GPC3: variants seen among roughly 807,000 people sequenced by gnomAD.
GPC3 encodes the protein glypican 3.
In GPC3, 3 loss-of-function variants were observed where a neutral mutation model predicts 34.4. That is an observed-to-expected ratio of 0.09 (90% CI 0.04 to 0.23). The LOEUF is 0.23. Ranked by LOEUF, GPC3 falls within the 10% of genes least tolerant of loss-of-function variation. The pLI, the probability that GPC3 is intolerant of heterozygous loss-of-function variation, is 1.00. For synonymous variants in GPC3, 177 were observed against 174.0 expected, an observed-to-expected ratio of 1.02 and a Z score of -0.13; for missense variants, 351 against 445.6, an observed-to-expected ratio of 0.79 and a Z score of 1.91.
At chrX:133,937,484 T>C (rs555814570) in intron 2 of GPC3, among the ~76,000 whole-genome samples, 2 of 110,884 alleles carry the variant, frequency 1.8e-5, no homozygotes, top group South Asian at 7.6e-4. Context: ...TTAAACCACA[T>C]CTGAACATAA....
chrX:133,593,101 G>A (rs969930059), intron 7 of GPC3, among the ~76,000 whole-genome samples: 2 of 110,058 alleles, frequency 1.8e-5, no homozygotes, highest in Non-Finnish European at 3.8e-5. Flanking sequence ...CGAGGCAGGC[G>A]GGGATCACAC....
chrX:133,797,304 T>C (rs2075586770), intron 2 of GPC3, among the ~76,000 whole-genome samples: 1 of 111,378 alleles, frequency 9.0e-6, no homozygotes, highest in Non-Finnish European at 1.9e-5. Context: ...ATCTTTTTTC[T>C]ATAGAACAGA....
rs1035675192 is a variant in GPC3 at position 133,642,281 on chromosome X, T to C, written c.1413+19449A>G. ...TTTAGCACTACCATATATGTGCTAC[T>C]GTACCTTATTCCCAGAATATTTGGG... On this transcript the variant is annotated intron_variant, in intron 6 of 7. Transcript: ENST00000370818. 7.1e-5 allele frequency among the ~76,000 whole-genome samples: 8 copies of C among 111,955 alleles called. No homozygotes were observed. The Admixed American group carries it at 7.6e-4, about 11-fold the overall frequency.
At chrX:133,769,679 G>A (rs926550594) in intron 2 of GPC3, among the ~76,000 whole-genome samples, 10 of 111,583 alleles carry the variant, frequency 9.0e-5, no homozygotes, top group African/African-American at 2.3e-4. Flanking sequence ...TAAATTCTGA[G>A]GCTTAGCTAC....
intron 2 of GPC3, among the ~76,000 whole-genome samples, chrX:133,775,223 C>T (rs768259095): frequency 1.8e-5 from 2 of 109,396 alleles, no homozygotes; most frequent in East Asian, 2.9e-4. Flanking sequence ...TTGCTGCCAG[C>T]GTGTTTTTTT....
At chrX:133,585,262 C>T (rs758977092) in intron 7 of GPC3, among the ~76,000 whole-genome samples, 1 of 111,889 alleles carries the variant, frequency 8.9e-6, no homozygotes, top group East Asian at 2.8e-4. Flanking sequence ...ACAGCACATG[C>T]GTGCACATGT....
intron 6 of GPC3, among the ~76,000 whole-genome samples, chrX:133,656,622 T>C (rs1356212200): frequency 8.9e-6 from 1 of 112,213 alleles, no homozygotes; most frequent in African/African-American, 3.2e-5. Context: ...ATGGTTAACA[T>C]GATTCGAAAA....
chrX:133,956,089 G>T lies in GPC3; in HGVS notation c.176-2878C>A, dbSNP rs1010310605. ...CCACTTCACCCTTCTCAAGGGAGCTGCTGACAAAAGCAGTAAAGGAGAACA... is the reference window on the plus strand; with the variant it reads ...CCACTTCACCCTTCTCAAGGGAGCTTCTGACAAAAGCAGTAAAGGAGAACA... On this transcript the variant is annotated intron_variant, in intron 1 of 7. Transcript: ENST00000370818. Among the ~76,000 whole-genome samples the T allele has an allele frequency of 3.6e-5, 4 of 111,514 alleles. No homozygotes were observed. The East Asian group carries it at 1.1e-3, about 31-fold the overall frequency.
intron 2 of GPC3, among the ~76,000 whole-genome samples, chrX:133,848,110 C>A (rs1004913027): frequency 5.4e-5 from 6 of 111,797 alleles, no homozygotes; most frequent in Non-Finnish European, 9.4e-5. Flanking sequence ...TTAATAAAAA[C>A]TAAGGTGGAA....
intron 2 of GPC3, among the ~76,000 whole-genome samples, chrX:133,884,271 T>C (rs767986402): frequency 8.9e-6 from 1 of 112,056 alleles, no homozygotes; most frequent in African/African-American, 3.2e-5. Flanking sequence ...TTCTCCGTTA[T>C]GATTATCTAT....
intron 2 of GPC3, among the ~76,000 whole-genome samples, chrX:133,937,987 C>T (rs2076330064): frequency 9.0e-6 from 1 of 111,500 alleles, no homozygotes; most frequent in Non-Finnish European, 1.9e-5. Context: ...AACAGGTAGG[C>T]CATTTTATGA....
chrX:133,893,211 C>A (rs771525501), intron 2 of GPC3, among the ~76,000 whole-genome samples: 1 of 111,299 alleles, frequency 9.0e-6, no homozygotes, highest in African/African-American at 3.3e-5. Context: ...GAGCCGAGGT[C>A]GCACCATTGC....
chrX:133,850,704 C>T (rs1217264795), intron 2 of GPC3, among the ~76,000 whole-genome samples: 1 of 111,205 alleles, frequency 9.0e-6, no homozygotes, highest in Non-Finnish European at 1.9e-5. Flanking sequence ...GCTTAGGGTC[C>T]CAAGAATGTA....
At chrX:133,956,035 T>A (rs1242637489) in intron 1 of GPC3, among the ~76,000 whole-genome samples, 1 of 111,657 alleles carries the variant, frequency 9.0e-6, no homozygotes, top group African/African-American at 3.3e-5. Flanking sequence ...ACATCACTGC[T>A]GGGGTCCAGG....
chrX:133,934,692 A>AT (rs1166543990), intron 2 of GPC3, among the ~76,000 whole-genome samples: 110 of 88,791 alleles, frequency 1.2e-3, no homozygotes, highest in East Asian at 9.6e-3. Context: ...TTTTTTTTGT[A>AT]TTTTTTTTTT....
At position 133,661,765 on chromosome X, in the gene GPC3, T is replaced by TGACC; in HGVS notation, c.1374_1377dup (p.Ser460GlyfsTer6). The TGACC allele has an allele frequency of 8.3e-7, 1 of 1,198,738 alleles. No homozygotes were observed. The highest frequency in any genetic ancestry group is 1.1e-6 in the Non-Finnish European group (1 of 885,121). On this transcript the variant is annotated frameshift_variant, in exon 6 of 8. Coordinates refer to ENST00000370818, the MANE Select transcript of GPC3 (RefSeq NM_004484.4). LOFTEE classifies it high-confidence loss of function. ...TGCTTCAGTTTGTCAATAATTTGACTGACCACTGGCTCAGGGCCCTTCATT... is the reference window on the plus strand; with the variant it reads ...TGCTTCAGTTTGTCAATAATTTGACTGACCGACCACTGGCTCAGGGCCCTTCATT...
At chrX:133,751,119 A>AAAT (rs2071664420) in intron 3 of GPC3, among the ~76,000 whole-genome samples, 1 of 108,771 alleles carries the variant, frequency 9.2e-6, no homozygotes, top group East Asian at 2.8e-4. Context: ...ATAAATAAAT[A>AAAT]AATAAAAGCA....
At chrX:133,953,632 G>T (rs2076403230) in intron 1 of GPC3, among the ~76,000 whole-genome samples, 1 of 112,134 alleles carries the variant, frequency 8.9e-6, no homozygotes, top group South Asian at 3.7e-4. Flanking sequence ...TTCCAGTTAT[G>T]ATTTCCAAAT....
intron 7 of GPC3, among the ~76,000 whole-genome samples, chrX:133,582,134 A>T (rs1357327328): frequency 8.9e-6 from 1 of 112,202 alleles, no homozygotes; most frequent in South Asian, 3.7e-4. Flanking sequence ...TCCACCACAC[A>T]TACACACACA....
Sources: gnomAD v4.1 joint callset for allele counts (sites outside exome capture counted in the v4.1 genomes callset) on GRCh38, gnomAD v4.1.1 for gene constraint, MANE v1.5 for transcripts, NCBI Gene and HGNC (gene_info 2026-07-23, HGNC 2026-07-21) for gene names.